APLP2: variants seen among roughly 807,000 people sequenced by gnomAD.
APLP2 encodes amyloid beta precursor like protein 2.
APLP2 carries 53 observed loss-of-function variants against 89.9 expected under a neutral mutation model. The observed-to-expected ratio is 0.59, with a 90% CI of 0.47 to 0.74. APLP2 has a LOEUF of 0.74. APLP2 is among the 30% of genes least tolerant of loss of function. The probability of loss-of-function intolerance (pLI) is 0.00; values close to 1 mark genes in which losing one functional copy is unlikely to be tolerated. For missense variants in APLP2, 973 were observed against 975.9 expected (o/e 1.00, Z 0.04); for synonymous variants, 372 against 348.6 (o/e 1.07, Z -0.75).
In APLP2 at chr11:130,092,521, A is replaced by T. The variant is rs1306730131; in HGVS notation, c.106-16908A>T. On this transcript the variant is annotated intron_variant, in intron 1 of 16. Transcript: ENST00000338167. ...GATCACTCGCGGTTAGGGGCTGGAG[A>T]CCGGCCCGGCCAACACAGCGAAACC... Among the ~76,000 whole-genome samples the T allele has an allele frequency of 1.4e-5, 2 of 142,630 alleles. 1 individual carries two copies. The highest frequency in any genetic ancestry group is 3.0e-5 in the Non-Finnish European group (2 of 66,058). The allele number at this position is 142,630 out of a possible 152,430, so 93.6% of individuals were successfully genotyped here. A position where few individuals can be genotyped will look rare whatever the true frequency, so the allele number is the denominator to read the frequency against.
rs115743417 is a variant in APLP2 at position 130,106,551 on chromosome 11, C to G, written c.106-2878C>G. Among the ~76,000 whole-genome samples, 1,477 of 152,290 alleles carry G rather than the reference C, an allele frequency of 9.7e-3. 29 individuals carry two copies. Among genetic ancestry groups the G allele is most frequent in the African/African-American group, 0.033 (1,378 of 41,542 alleles). On this transcript the variant is annotated intron_variant, in intron 1 of 16. Transcript: ENST00000338167. ...GAAGTCCTTTCTTGGTCTGCAGACTCTTGTCCCGGCATGCCTCTCCCACCA... is the reference window on the plus strand; with the variant it reads ...GAAGTCCTTTCTTGGTCTGCAGACTGTTGTCCCGGCATGCCTCTCCCACCA...
In APLP2 at chr11:130,144,628, G is replaced by A. The variant is rs1027759268; in HGVS notation, c.*1180G>A. On this transcript the variant is annotated 3_prime_UTR_variant, in exon 17 of 17. Coordinates refer to ENST00000338167, the MANE Select transcript of APLP2 (RefSeq NM_001142276.2). ...AAATCTGAAGGTTCTGGTAACCTGT[G>A]GTGTATTTTTATTTTCCTGTGACTG... 3 of 152,450 alleles carry A rather than the reference G, an allele frequency of 2.0e-5. No individual in the cohort carries two copies. Among genetic ancestry groups the A allele is most frequent in the Non-Finnish European group, 4.4e-5 (3 of 68,062 alleles). 9.4% of individuals were successfully genotyped at this position (152,450 alleles called of 1,614,324 possible).
intron 3 of APLP2, among the ~76,000 whole-genome samples, chr11:130,117,911 C>T (rs532723088): frequency 6.6e-6 from 1 of 151,922 alleles, no homozygotes; most frequent in East Asian, 2.0e-4. Context: ...CGTCTCTCTA[C>T]TAAAAATACA....
intron 13 of APLP2, chr11:130,139,164 T>A (rs1952033538): frequency 6.6e-6 from 1 of 152,236 alleles, no homozygotes; most frequent in Non-Finnish European, 1.5e-5. Flanking sequence ...CGTGCAAGTC[T>A]TTAAAGTTGA....
intron 1 of APLP2, among the ~76,000 whole-genome samples, chr11:130,091,245 C>G (rs71415861): frequency 1.4e-5 from 1 of 72,978 alleles, no homozygotes; most frequent in African/African-American, 4.3e-5. Context: ...CCCTCCCGCA[C>G]GGGGCGGCTG....
At position 130,109,489 on chromosome 11, in the gene APLP2, T is replaced by C; in HGVS notation, c.166T>C (p.Cys56Arg). ...TGCTGAGCCTCAAATCGCAATGTTT[T>C]GTGGGAAGTTAAATATGCATGTGAA... is the stretch of plus-strand genomic sequence containing the variant. Reference protein sequence around the residue: ...AVAEPQIAMFCGKLNMHVNIQ... With the variant: ...AVAEPQIAMFRGKLNMHVNIQ... The change falls in exon 2 of 17, where the codon TGT (cysteine) becomes CGT (arginine). Residue 56 changes from cysteine to arginine, a missense_variant. Cys to Arg is a radical substitution (Grantham distance 180). Coordinates refer to ENST00000338167, the MANE Select transcript of APLP2 (RefSeq NM_001142276.2). 6.2e-7 allele frequency: 1 copy of C among 1,614,012 alleles called. No individual in the cohort carries two copies. Among genetic ancestry groups the C allele is most frequent in the East Asian group, 2.2e-5 (1 of 44,862 alleles).
chr11:130,096,509 G>C (rs772464264), intron 1 of APLP2, among the ~76,000 whole-genome samples: 11 of 152,156 alleles, frequency 7.2e-5, no homozygotes, highest in Non-Finnish European at 1.0e-4. Flanking sequence ...CATGAGACTT[G>C]GAGTTTGAGA....
Position 130,135,658 on chromosome 11 carries a change from G to A in APLP2, c.1780G>A (p.Glu594Lys). ...CGTCCGGGTGAGCTCTGAGGAGAGTGAGGAGATCCCACCGTTCCACCCCTT... is the reference window on the plus strand; with the variant it reads ...CGTCCGGGTGAGCTCTGAGGAGAGTAAGGAGATCCCACCGTTCCACCCCTT... ...VDVRVSSEES[E>K]EIPPFHPFHP... The change falls in exon 13 of 17, where the codon GAG (glutamate) becomes AAG (lysine). Residue 594 changes from glutamate (E) to lysine (K), a missense_variant. By Grantham distance (56) the Glu-to-Lys change is moderately conservative (BLOSUM62 1). Transcript: ENST00000338167. 6.2e-7 allele frequency: 1 copy of A among 1,614,182 alleles called. No homozygotes were observed. Among genetic ancestry groups the A allele is most frequent in the East Asian group, 2.2e-5 (1 of 44,888 alleles).
intron 1 of APLP2, among the ~76,000 whole-genome samples, chr11:130,084,727 TAAG>T (rs1319671094): frequency 6.8e-6 from 1 of 147,830 alleles, no homozygotes; most frequent in Non-Finnish European, 1.5e-5. Context: ...ATTAAAAAAA[TAAG>T]AAAGATCTCA....
chr11:130,073,746 C>G (rs1941586207), intron 1 of APLP2, among the ~76,000 whole-genome samples: 1 of 152,090 alleles, frequency 6.6e-6, no homozygotes, highest in South Asian at 2.1e-4. Context: ...GAGGCTGAGG[C>G]AGGAGAATCT....
chr11:130,079,460 C>T (rs1223053509), intron 1 of APLP2, among the ~76,000 whole-genome samples: 1 of 152,128 alleles, frequency 6.6e-6, no homozygotes, highest in African/African-American at 2.4e-5. Context: ...TAGATTTCTG[C>T]ATAGAGATCT....
rs535719401 is a variant in APLP2 at position 130,126,108 on chromosome 11, A to T, written c.1091-592A>T. On this transcript the variant is annotated intron_variant, in intron 7 of 16. Transcript: ENST00000338167. ...TGGTTCTGTCACTGATGGTGGGGCT[A>T]AGAGTCCTTCACTGATACTGAAAAC... Among the ~76,000 whole-genome samples the T allele has an allele frequency of 1.6e-4, 24 of 152,352 alleles. 2 individuals are homozygous for T. The South Asian group carries it at 4.8e-3, about 30-fold the overall frequency.
chr11:130,090,836 G>A (rs1284895506), intron 1 of APLP2, among the ~76,000 whole-genome samples: 1 of 151,828 alleles, frequency 6.6e-6, no homozygotes, highest in Non-Finnish European at 1.5e-5. Context: ...CCCAGTAGGG[G>A]CGGCCGGGCA....
At chr11:130,091,014 C>T (rs1591778240) in intron 1 of APLP2, among the ~76,000 whole-genome samples, 7 of 148,988 alleles carry the variant, frequency 4.7e-5, no homozygotes, top group South Asian at 2.1e-4. Flanking sequence ...ACCTCCCTCC[C>T]GGACGGGGCG....
intron 3 of APLP2, among the ~76,000 whole-genome samples, chr11:130,113,837 A>C (rs1948866263): frequency 6.6e-6 from 1 of 152,160 alleles, no homozygotes; most frequent in Non-Finnish European, 1.5e-5. Context: ...TGGTTACAAA[A>C]ATGGCACAGA....
intron 1 of APLP2, among the ~76,000 whole-genome samples, chr11:130,082,049 C>T (rs1209780475): frequency 6.6e-6 from 1 of 152,196 alleles, no homozygotes; most frequent in Non-Finnish European, 1.5e-5. Flanking sequence ...GCTGAAGGCA[C>T]TGTATGGTTC....
At chr11:130,132,290 T>C (rs1301610924) in intron 11 of APLP2, among the ~76,000 whole-genome samples, 1 of 152,246 alleles carries the variant, frequency 6.6e-6, no homozygotes, top group Non-Finnish European at 1.5e-5. Flanking sequence ...TAAAATTAAA[T>C]TGCTTTCATC....
At chr11:130,129,999 C>G (rs763347489) in intron 10 of APLP2, 39 bp from the exon 11 acceptor site, 3 of 1,600,780 alleles carry the variant, frequency 1.9e-6, no homozygotes, top group South Asian at 1.1e-5. Flanking sequence ...TTTCAATTCT[C>G]TAGTCTCTGG....
At chr11:130,092,214 C>T (rs1437869027) in intron 1 of APLP2, among the ~76,000 whole-genome samples, 46 of 135,832 alleles carry the variant, frequency 3.4e-4, no homozygotes, top group Admixed American at 2.1e-3. Context: ...GGCGGCTGGG[C>T]GGAGACGCTC....
Sources: allele counts gnomAD v4.1 joint callset (sites outside exome capture counted in the v4.1 genomes callset), GRCh38; gene constraint gnomAD v4.1.1; transcripts MANE v1.5; gene names NCBI Gene and HGNC (gene_info 2026-07-23, HGNC 2026-07-21).